The following SEC22B variants were observed in gnomAD, a reference collection of about 807,000 sequenced individuals.
The protein encoded by SEC22B is SEC22 homolog B, vesicle trafficking protein.
In SEC22B, 10 loss-of-function variants were observed where a neutral mutation model predicts 31.4. The observed-to-expected ratio is 0.32, with a 90% CI of 0.20 to 0.54. The LOEUF is 0.54. Ranked by LOEUF, SEC22B falls within the 20% of genes least tolerant of loss-of-function variation. SEC22B has a pLI of 0.94. For missense variants in SEC22B, 130 were observed against 263.4 expected, an observed-to-expected ratio of 0.49 and a Z score of 3.50; for synonymous variants, 60 against 95.9, an observed-to-expected ratio of 0.63 and a Z score of 2.19.
intron 2 of SEC22B, among the ~76,000 whole-genome samples, 153 bp downstream of exon 2, chr1:120,168,687 T>C (rs1290616538): frequency 1.3e-5 from 2 of 149,474 alleles, no homozygotes; most frequent in Admixed American, 6.6e-5. Context: ...CAACAAGATG[T>C]CCATTTTGTA....
At chr1:120,163,857 C>A (rs1207822631) in intron 2 of SEC22B, among the ~76,000 whole-genome samples, 1 of 150,392 alleles carries the variant, frequency 6.6e-6, no homozygotes, top group African/African-American at 2.5e-5. Context: ...GGATTACAGG[C>A]GTGAGCCACT....
At chr1:120,166,083 C>A (rs1285249710) in intron 2 of SEC22B, among the ~76,000 whole-genome samples, 1 of 150,702 alleles carries the variant, frequency 6.6e-6, no homozygotes, top group Non-Finnish European at 1.5e-5. Flanking sequence ...AAAACCACAA[C>A]GACATATTAT....
chr1:120,176,286 G>A (rs1657962225), intron 1 of SEC22B, 21 bp downstream of exon 1: 6 of 1,604,804 alleles, frequency 3.7e-6, no homozygotes. Flanking sequence ...TGGGGTCGCG[G>A]GTCGTGAGTA....
Position 120,176,457 on chromosome 1 carries a change from A to C in SEC22B, c.-76T>G. On this transcript the variant is annotated 5_prime_UTR_variant, in exon 1 of 5. Transcript: ENST00000578049. ...TCCTCACTTCCTCCGCCGCGACAAC[A>C]GTTATACCCTATGTCTCAGTTACCG... 1.5e-6 allele frequency: 2 copies of C among 1,307,438 alleles called. No homozygotes were observed. The highest frequency in any genetic ancestry group is 3.7e-5 in the Admixed American group (2 of 53,608). The allele number at this position is 1,307,438 out of a possible 1,614,324, so 81.0% of individuals were successfully genotyped here. A position where few individuals can be genotyped will look rare whatever the true frequency, so the allele number is the denominator to read the frequency against.
rs1657608941 is a variant in SEC22B at position 120,155,132 on chromosome 1, G to A, written c.*1906C>T. The A allele has an allele frequency of 6.9e-6, 1 of 144,744 alleles. No individual in the cohort carries two copies. The highest frequency in any genetic ancestry group is 6.8e-5 in the Admixed American group (1 of 14,700). The allele number at this position is 144,744 out of a possible 1,614,324, so 9.0% of individuals were successfully genotyped here. Reference sequence around the variant, plus strand: ...CCTTATTTCTTAATTAGCCCAACAAGATTAGATAGAAATGTATCTACAAAG... The same window carrying A: ...CCTTATTTCTTAATTAGCCCAACAAAATTAGATAGAAATGTATCTACAAAG... On this transcript the variant is annotated 3_prime_UTR_variant, in exon 5 of 5. Transcript: ENST00000578049.
chr1:120,152,679 C>T lies in SEC22B; in HGVS notation c.*4359G>A, dbSNP rs1173782714. 7 of 144,958 alleles carry T rather than the reference C, an allele frequency of 4.8e-5. No individual in the cohort carries two copies. Among genetic ancestry groups the T allele is most frequent in the Admixed American group, 6.7e-5 (1 of 14,878 alleles). 9.0% of individuals were successfully genotyped at this position (144,958 alleles called of 1,614,324 possible). On this transcript the variant is annotated 3_prime_UTR_variant, in exon 5 of 5. Transcript: ENST00000578049. ...ACTATTTAAAAAGAATAAAGGAAGACGTGATAATGAAGTAAATTTAAAAAG... is the reference window on the plus strand; with the variant it reads ...ACTATTTAAAAAGAATAAAGGAAGATGTGATAATGAAGTAAATTTAAAAAG...
chr1:120,163,652 T>C (rs1167745176), intron 2 of SEC22B, among the ~76,000 whole-genome samples: 6 of 151,238 alleles, frequency 4.0e-5, no homozygotes, highest in Non-Finnish European at 8.8e-5. Flanking sequence ...CTCGGCTCAC[T>C]GCAACCTCCG....
rs1279017290 is a variant in SEC22B, at chr1:120,155,704, G to A, written c.*1334C>T. 2 of 151,804 alleles carry A rather than the reference G, an allele frequency of 1.3e-5. No homozygotes were observed. The highest frequency in any genetic ancestry group is 2.4e-5 in the African/African-American group (1 of 41,328). The allele number at this position is 151,804 out of a possible 1,614,324, so 9.4% of individuals were successfully genotyped here. On this transcript the variant is annotated 3_prime_UTR_variant, in exon 5 of 5. Transcript: ENST00000578049. Reference sequence around the variant, plus strand: ...CAATTTAAAGAAATATTTGCAGTATGTACAGGAATTTTAAGTTATATTGCA... The same window carrying A: ...CAATTTAAAGAAATATTTGCAGTATATACAGGAATTTTAAGTTATATTGCA...
In SEC22B at chr1:120,151,113, T is replaced by C. The variant is rs1657524891; in HGVS notation, c.*5925A>G. The C allele has an allele frequency of 6.6e-6, 1 of 152,052 alleles. No individual in the cohort carries two copies. Among genetic ancestry groups the C allele is most frequent in the African/African-American group, 2.4e-5 (1 of 41,394 alleles). 9.4% of individuals were successfully genotyped at this position (152,052 alleles called of 1,614,324 possible). A position where few individuals can be genotyped will look rare whatever the true frequency, so the allele number is the denominator to read the frequency against. On this transcript the variant is annotated 3_prime_UTR_variant, in exon 5 of 5. Coordinates refer to ENST00000578049, the MANE Select transcript of SEC22B (RefSeq NM_004892.6). ...TGAGTTTTGGAGGGGCCAAACAACA[T>C]GCAAACCATAGCAGCAGGTTTAAAG...
rs1474333399 is a variant in SEC22B at position 120,155,911 on chromosome 1, C to T, written c.*1127G>A. The T allele has an allele frequency of 3.3e-5, 5 of 151,104 alleles. No individual in the cohort carries two copies. The highest frequency in any genetic ancestry group is 2.0e-4 in the East Asian group (1 of 5,098). 9.4% of individuals were successfully genotyped at this position (151,104 alleles called of 1,614,324 possible). A position where few individuals can be genotyped will look rare whatever the true frequency, so the allele number is the denominator to read the frequency against. On this transcript the variant is annotated 3_prime_UTR_variant, in exon 5 of 5. Coordinates refer to ENST00000578049, the MANE Select transcript of SEC22B (RefSeq NM_004892.6). ...CCAGAACATTCTCAGAGAATTTACA[C>T]GAACTAAAACAGGAATGAAGTGCTC...
In SEC22B at chr1:120,156,874, A is replaced by G; in HGVS notation, c.*164T>C. 4.6e-6 allele frequency: 2 copies of G among 436,674 alleles called. No individual in the cohort carries two copies. Among genetic ancestry groups the G allele is most frequent in the Non-Finnish European group, 7.8e-6 (2 of 256,664 alleles). The allele number at this position is 436,674 out of a possible 1,614,324, so 27.0% of individuals were successfully genotyped here. ...TCTACATAGGGTTAAGCTTCATTAA[A>G]TGAGGTGCAACCTTTCATTTTCAGG... is the stretch of plus-strand genomic sequence containing the variant. On this transcript the variant is annotated 3_prime_UTR_variant, in exon 5 of 5. Transcript: ENST00000578049.
chr1:120,175,929 G>A (rs1300180470), intron 1 of SEC22B, among the ~76,000 whole-genome samples: 22 of 152,140 alleles, frequency 1.4e-4, no homozygotes, highest in Non-Finnish European at 1.2e-4. Context: ...TTATAGACTT[G>A]AAGAACTTGG....
At chr1:120,174,580 T>G (rs1242770503) in intron 1 of SEC22B, among the ~76,000 whole-genome samples, 1 of 151,464 alleles carries the variant, frequency 6.6e-6, no homozygotes, top group Non-Finnish European at 1.5e-5. Context: ...CAATAAAGTA[T>G]CATGGCAGAG....
Position 120,176,313 on chromosome 1 carries a change from GTCC to G in SEC22B, c.66_68del (p.Glu22del). The G allele has an allele frequency of 1.2e-6, 2 of 1,611,014 alleles. No individual in the cohort carries two copies. The highest frequency in any genetic ancestry group is 1.7e-5 in the Admixed American group (1 of 59,942). On this transcript the variant is annotated inframe_deletion, in exon 1 of 5. Coordinates refer to ENST00000578049, the MANE Select transcript of SEC22B (RefSeq NM_004892.6). Reference sequence around the variant, plus strand: ...TCGTGAGTAAGCAGCTCACCTGTTCGTCCTCCTGCATCGAGGCGGCCAGCGGGA... The same window carrying G: ...TCGTGAGTAAGCAGCTCACCTGTTCGTCCTGCATCGAGGCGGCCAGCGGGA...
chr1:120,161,567 C>T (rs1366914096), intron 3 of SEC22B, among the ~76,000 whole-genome samples: 29 of 152,266 alleles, frequency 1.9e-4, no homozygotes, highest in Non-Finnish European at 2.4e-4. Context: ...GTCATGGCAG[C>T]GTGCACCTCT....
chr1:120,176,415 G>T lies in SEC22B; in HGVS notation c.-34C>A. On this transcript the variant is annotated 5_prime_UTR_variant, in exon 1 of 5. Transcript: ENST00000578049. ...ACTACAGGGATCCAACACTGGCCCG[G>T]AAGGCCCTTGGCGCCGTCCTCACTT... 1 of 1,599,118 alleles carries T rather than the reference G, an allele frequency of 6.3e-7. No homozygotes were observed. Among genetic ancestry groups the T allele is most frequent in the South Asian group, 1.1e-5 (1 of 90,342 alleles).
intron 2 of SEC22B, among the ~76,000 whole-genome samples, chr1:120,166,768 C>A (rs1371210140): frequency 6.7e-6 from 1 of 148,908 alleles, no homozygotes; most frequent in Non-Finnish European, 1.5e-5. Context: ...CACGTATTTT[C>A]AAAAAGCTAC....
intron 2 of SEC22B, among the ~76,000 whole-genome samples, chr1:120,166,395 T>A (rs1212756013): frequency 6.0e-5 from 5 of 82,764 alleles, no homozygotes; most frequent in Non-Finnish European, 9.1e-5. Context: ...AAAGTGTTTT[T>A]TACACACACA....
chr1:120,166,746 G>A lies in SEC22B; in HGVS notation c.185+2094C>T, dbSNP rs1301563230. 2.7e-4 allele frequency among the ~76,000 whole-genome samples: 41 copies of A among 149,594 alleles called. 2 individuals are homozygous for A. The East Asian group carries it at 8.0e-3, about 29-fold the overall frequency. ...CAGAACTGTAGGGTGAATATGGCTA[G>A]CTATAACTTACCACGTATTTTCAAA... On this transcript the variant is annotated intron_variant, in intron 2 of 4. Coordinates refer to ENST00000578049, the MANE Select transcript of SEC22B (RefSeq NM_004892.6).
Sources: gnomAD v4.1 joint callset for allele counts (sites outside exome capture counted in the v4.1 genomes callset) on GRCh38, gnomAD v4.1.1 for gene constraint, MANE v1.5 for transcripts, NCBI Gene and HGNC (gene_info 2026-07-23, HGNC 2026-07-21) for gene names.